UGT8: variants seen among roughly 807,000 people sequenced by gnomAD.
UGT8 encodes the protein UDP glycosyltransferase 8, also known as 2-hydroxyacylsphingosine 1-beta-galactosyltransferase.
Under a neutral mutation model 40.5 loss-of-function variants are expected in UGT8, and 12 were observed. The observed-to-expected ratio is 0.30, with a 90% CI of 0.19 to 0.48. The LOEUF (loss-of-function observed/expected upper bound fraction) is 0.48. Among genes scored for constraint, UGT8 ranks in the 20% least tolerant of loss-of-function variants. UGT8 has a pLI of 0.99. For missense variants in UGT8, 513 were observed against 648.7 expected, an observed-to-expected ratio of 0.79 and a Z score of 2.27; for synonymous variants, 224 against 240.4, an observed-to-expected ratio of 0.93 and a Z score of 0.63.
Position 114,676,051 on chromosome 4 carries a change from T to C in UGT8, c.1389T>C (p.Ala463=). The change falls in exon 6 of 6, where the codon GCT becomes GCC. Residue 463 remains alanine (A), a synonymous_variant. Transcript: ENST00000310836. ...RHNGAHHLRA[A]VHQISFCQYF... ...ATGGAGCCCATCACCTACGTGCCGC[T>C]GTCCATCAGATCTCCTTTTGTCAGT... 2 of 1,614,258 alleles carry C rather than the reference T, an allele frequency of 1.2e-6. No individual in the cohort carries two copies. Among genetic ancestry groups the C allele is most frequent in the Non-Finnish European group, 1.7e-6 (2 of 1,180,046 alleles).
chr4:114,598,433 C>T (rs1337347917), upstream of UGT8: 2 of 152,254 alleles, frequency 1.3e-5, no homozygotes, highest in Non-Finnish European at 2.9e-5. Flanking sequence ...GCCCAGAGGG[C>T]TCGCGAAAAG....
At chr4:114,606,497 A>G (rs906155416) in intron 1 of UGT8, among the ~76,000 whole-genome samples, 1 of 152,154 alleles carries the variant, frequency 6.6e-6, no homozygotes. Context: ...CACCAAGCCA[A>G]TCTGGGGAGT....
rs755482490 is a variant in UGT8, at chr4:114,676,655, G to T, written c.*367G>T. The T allele has an allele frequency of 1.2e-3, 208 of 176,178 alleles. 4 individuals are homozygous for T. The highest frequency in any genetic ancestry group is 3.0e-4 in the Non-Finnish European group (25 of 84,014). 10.9% of individuals were successfully genotyped at this position (176,178 alleles called of 1,614,324 possible). On this transcript the variant is annotated 3_prime_UTR_variant, in exon 6 of 6. Coordinates refer to ENST00000310836, the MANE Select transcript of UGT8 (RefSeq NM_001128174.3). The stretch of plus-strand genomic sequence containing the variant: ...TGTGTGTGTGTATGTGTGTGTGTGT[G>T]TGTGTGTGTTTGTGTGTGTGTGTGT...
intron 2 of UGT8, among the ~76,000 whole-genome samples, chr4:114,639,452 G>A (rs1412961255): frequency 6.6e-6 from 1 of 152,176 alleles, no homozygotes; most frequent in Non-Finnish European, 1.5e-5. Context: ...CCAGAAAGTG[G>A]TGCCATGAAA....
At chr4:114,654,322 C>A (rs2126124904) in intron 2 of UGT8, among the ~76,000 whole-genome samples, 1 of 152,046 alleles carries the variant, frequency 6.6e-6, no homozygotes, top group South Asian at 2.1e-4. Context: ...ATGTGGATCT[C>A]TTAGTGCTGT....
chr4:114,675,095 C>T (rs546612424), intron 5 of UGT8, among the ~76,000 whole-genome samples: 51 of 152,086 alleles, frequency 3.4e-4, no homozygotes, highest in African/African-American at 1.1e-3. Flanking sequence ...ATGGTGTTTC[C>T]CAACTCTTTT....
intron 2 of UGT8, among the ~76,000 whole-genome samples, chr4:114,654,230 T>G (rs1185023036): frequency 6.6e-6 from 1 of 152,014 alleles, no homozygotes; most frequent in Non-Finnish European, 1.5e-5. Context: ...GTGTTTAAAG[T>G]CACAAAGTAG....
Position 114,623,567 on chromosome 4 carries a change from C to A in UGT8, c.687C>A (p.Ser229=). The A allele has an allele frequency of 6.2e-7, 1 of 1,613,996 alleles. No homozygotes were observed. The highest frequency in any genetic ancestry group is 2.2e-5 in the East Asian group (1 of 44,856). The change falls in exon 2 of 6, where the codon TCC becomes TCA. Residue 229 remains serine (S), a synonymous_variant. Coordinates refer to ENST00000310836, the MANE Select transcript of UGT8 (RefSeq NM_001128174.3). ...MQKYNLLPEK[S]MYDLVHGSSL... is the part of the protein sequence containing the mutation. ...AGTACAACCTGCTGCCAGAGAAGTC[C>A]ATGTATGATTTGGTTCATGGGTCCA...
chr4:114,638,075 G>A (rs1394880034), intron 2 of UGT8, among the ~76,000 whole-genome samples: 1 of 152,112 alleles, frequency 6.6e-6, no homozygotes, highest in East Asian at 1.9e-4. Context: ...ATGACATGTG[G>A]TGCTTGTTTT....
intron 2 of UGT8, among the ~76,000 whole-genome samples, chr4:114,649,164 GGTAGA>G (rs1733754578): frequency 6.6e-6 from 1 of 152,058 alleles, no homozygotes; most frequent in Admixed American, 6.6e-5. Context: ...ATGTAGTGTG[GGTAGA>G]GTATTCTAGT....
chr4:114,621,185 G>A (rs1731765896), intron 1 of UGT8, among the ~76,000 whole-genome samples: 1 of 152,144 alleles, frequency 6.6e-6, no homozygotes. Flanking sequence ...GCCCTCAAGT[G>A]TACAGGCATC....
At chr4:114,665,790 G>A in intron 4 of UGT8, 34 bp downstream of exon 4, 1 of 1,514,630 alleles carries the variant, frequency 6.6e-7, no homozygotes, top group Non-Finnish European at 8.9e-7. Context: ...TTACTTGGCT[G>A]TTAGGTTTTA....
intron 2 of UGT8, among the ~76,000 whole-genome samples, chr4:114,626,960 A>T (rs2126101943): frequency 6.6e-6 from 1 of 152,278 alleles, no homozygotes; most frequent in African/African-American, 2.4e-5. Context: ...TTGATTACAA[A>T]ATGTTGTGTC....
chr4:114,639,881 A>G (rs1733101511), intron 2 of UGT8, among the ~76,000 whole-genome samples: 1 of 152,208 alleles, frequency 6.6e-6, no homozygotes, highest in Admixed American at 6.5e-5. Context: ...GGATCATATG[A>G]AAGCAATGAA....
chr4:114,644,393 A>G (rs1323096252), intron 2 of UGT8, among the ~76,000 whole-genome samples: 1 of 152,118 alleles, frequency 6.6e-6, no homozygotes, highest in Non-Finnish European at 1.5e-5. Context: ...ACTTCAGGTA[A>G]ACTGATCTGT....
intron 2 of UGT8, among the ~76,000 whole-genome samples, chr4:114,643,355 G>C (rs1733345346): frequency 6.6e-6 from 1 of 152,072 alleles, no homozygotes; most frequent in Non-Finnish European, 1.5e-5. Flanking sequence ...TAATTAGGCA[G>C]GACTGTCCTT....
chr4:114,659,806 C>T (rs986587470), intron 2 of UGT8, among the ~76,000 whole-genome samples: 1 of 151,988 alleles, frequency 6.6e-6, no homozygotes, highest in East Asian at 1.9e-4. Flanking sequence ...AACAGAATCC[C>T]CAAAATGAAA....
At chr4:114,653,171 A>C (rs986704060) in intron 2 of UGT8, among the ~76,000 whole-genome samples, 2 of 152,120 alleles carry the variant, frequency 1.3e-5, no homozygotes, top group African/African-American at 2.4e-5. Context: ...TTTCTAGTCT[A>C]TATAATCACT....
At chr4:114,655,755 A>G (rs947041858) in intron 2 of UGT8, among the ~76,000 whole-genome samples, 6 of 152,058 alleles carry the variant, frequency 3.9e-5, no homozygotes, top group Non-Finnish European at 4.4e-5. Flanking sequence ...GAAATTAACA[A>G]TGATATATTA....
Sources: allele counts gnomAD v4.1 joint callset (sites outside exome capture counted in the v4.1 genomes callset), GRCh38; gene constraint gnomAD v4.1.1; transcripts MANE v1.5; gene names NCBI Gene and HGNC (gene_info 2026-07-23, HGNC 2026-07-21).